The following SLC39A11 variants were observed in gnomAD, a reference collection of about 807,000 sequenced individuals.
SLC39A11 encodes solute carrier family 39 member 11, also known as zinc transporter ZIP11.
In SLC39A11, 33 loss-of-function variants were observed where a neutral mutation model predicts 36.1. The ratio of observed to expected loss-of-function variants is 0.91; its 90% CI spans 0.69 to 1.22. The LOEUF is 1.22. Ranked by LOEUF, SLC39A11 falls within the 50% of genes most tolerant of loss-of-function variation. The pLI, the probability that SLC39A11 is intolerant of heterozygous loss-of-function variation, is 0.00. For missense variants in SLC39A11, 432 were observed against 430.3 expected, an observed-to-expected ratio of 1.00 and a Z score of -0.03; for synonymous variants, 166 against 170.3, an observed-to-expected ratio of 0.97 and a Z score of 0.20.
intron 6 of SLC39A11, among the ~76,000 whole-genome samples, chr17:72,756,827 A>G (rs1036876553): frequency 1.3e-5 from 2 of 152,140 alleles, no homozygotes; most frequent in East Asian, 3.8e-4. Context: ...TTGGGGAGAA[A>G]AAAAACTAAA....
chr17:73,025,126 G>A (rs1568144176), intron 4 of SLC39A11, among the ~76,000 whole-genome samples: 1 of 152,070 alleles, frequency 6.6e-6, no homozygotes, highest in Non-Finnish European at 1.5e-5. Flanking sequence ...CATGGTTGAG[G>A]ACTCAGATAA....
At chr17:72,981,544 T>C (rs1465066540) in intron 4 of SLC39A11, among the ~76,000 whole-genome samples, 1 of 148,684 alleles carries the variant, frequency 6.7e-6, no homozygotes, top group African/African-American at 2.5e-5. Flanking sequence ...TTAATCCCTA[T>C]CTCACTTTGT....
At chr17:72,659,145 T>C (rs1485029470) in intron 7 of SLC39A11, among the ~76,000 whole-genome samples, 1 of 152,202 alleles carries the variant, frequency 6.6e-6, no homozygotes, top group East Asian at 1.9e-4. Context: ...CAAGAGCTCA[T>C]GCCACATATG....
At chr17:72,653,343 A>AGAT (rs2069946548) in intron 7 of SLC39A11, among the ~76,000 whole-genome samples, 1 of 151,922 alleles carries the variant, frequency 6.6e-6, no homozygotes, top group African/African-American at 2.4e-5. Context: ...TCCTGACCTC[A>AGAT]GATGATCCAC....
At chr17:72,866,241 G>C (rs914853804) in intron 5 of SLC39A11, among the ~76,000 whole-genome samples, 1 of 152,126 alleles carries the variant, frequency 6.6e-6, no homozygotes, top group Non-Finnish European at 1.5e-5. Flanking sequence ...CATATGTGAG[G>C]GATCTAGGTT....
chr17:72,975,522 C>T (rs1053554736), intron 4 of SLC39A11, among the ~76,000 whole-genome samples: 4 of 152,194 alleles, frequency 2.6e-5, no homozygotes, highest in African/African-American at 7.2e-5. Flanking sequence ...TGTAAGGACA[C>T]AGTGAGAAGG....
At chr17:72,761,332 C>A (rs2075571080) in intron 6 of SLC39A11, among the ~76,000 whole-genome samples, 1 of 152,138 alleles carries the variant, frequency 6.6e-6, no homozygotes. Flanking sequence ...CAAAGCTGGT[C>A]TCGAACTCCT....
intron 3 of SLC39A11, among the ~76,000 whole-genome samples, chr17:73,047,055 C>T (rs1028586330): frequency 2.8e-5 from 4 of 142,906 alleles, no homozygotes; most frequent in Non-Finnish European, 6.0e-5. Flanking sequence ...GACGGAGTCT[C>T]GCTCTGTTGC....
At chr17:72,700,174 G>A (rs1005203130) in intron 7 of SLC39A11, among the ~76,000 whole-genome samples, 1 of 152,200 alleles carries the variant, frequency 6.6e-6, no homozygotes, top group Non-Finnish European at 1.5e-5. Flanking sequence ...GTTTGGGTCA[G>A]CATCTTTGTT....
At chr17:73,043,857 G>T (rs951937094) in intron 3 of SLC39A11, among the ~76,000 whole-genome samples, 2 of 152,192 alleles carry the variant, frequency 1.3e-5, no homozygotes, top group African/African-American at 4.8e-5. Flanking sequence ...AATTTGGCAT[G>T]TCAGTTATTA....
chr17:72,678,175 G>A (rs925651101), intron 7 of SLC39A11, among the ~76,000 whole-genome samples: 6 of 152,310 alleles, frequency 3.9e-5, no homozygotes, highest in Admixed American at 6.5e-5. Context: ...TTGGATGCCC[G>A]TTCCGCTCAC....
At chr17:72,917,351 T>G (rs1208647101) in intron 5 of SLC39A11, among the ~76,000 whole-genome samples, 1 of 152,226 alleles carries the variant, frequency 6.6e-6, no homozygotes, top group Non-Finnish European at 1.5e-5. Context: ...GCTGGATCCC[T>G]GCTCTCTGGG....
chr17:72,816,553 C>T (rs1242204018), intron 6 of SLC39A11, among the ~76,000 whole-genome samples: 3 of 152,200 alleles, frequency 2.0e-5, no homozygotes, highest in Non-Finnish European at 4.4e-5. Context: ...TCATAGAACA[C>T]GTCCCAGGCT....
At chr17:72,861,740 TTATATATATATATATATATATA>T (rs71945815) in intron 5 of SLC39A11, among the ~76,000 whole-genome samples, 8,287 of 67,348 alleles carry the variant, frequency 0.12, 546 homozygotes, top group Middle Eastern at 0.17. Context: ...ACATTGGAGA[TTATATATATATATATATATATA>T]TATATATATA....
At chr17:72,730,035 A>G (rs1370614846) in intron 7 of SLC39A11, among the ~76,000 whole-genome samples, 1 of 152,218 alleles carries the variant, frequency 6.6e-6, no homozygotes, top group Non-Finnish European at 1.5e-5. Flanking sequence ...TCTGTGGCAG[A>G]GCACTCTAAT....
chr17:72,928,043 A>AG (rs1457592683), intron 5 of SLC39A11, among the ~76,000 whole-genome samples: 3 of 151,490 alleles, frequency 2.0e-5, no homozygotes, highest in East Asian at 3.9e-4. Context: ...TGATTGCTCC[A>AG]AAAAAAAAGA....
At chr17:72,912,850 T>C (rs1009903278) in intron 5 of SLC39A11, among the ~76,000 whole-genome samples, 4 of 152,162 alleles carry the variant, frequency 2.6e-5, no homozygotes, top group African/African-American at 7.2e-5. Flanking sequence ...GACCCTGAGC[T>C]GCGCCCCCTT....
chr17:72,831,791 C>G (rs868533868), intron 6 of SLC39A11, among the ~76,000 whole-genome samples: 1 of 152,130 alleles, frequency 6.6e-6, no homozygotes, highest in Non-Finnish European at 1.5e-5. Flanking sequence ...AAGAAGCATC[C>G]GAATTCATTT....
chr17:72,959,158 A>G (rs570896272), intron 4 of SLC39A11, among the ~76,000 whole-genome samples: 9 of 151,690 alleles, frequency 5.9e-5, no homozygotes, highest in Non-Finnish European at 1.2e-4. Context: ...CAGCAATCCT[A>G]CTACTGGGTA....
Sources: allele counts gnomAD v4.1 joint callset (sites outside exome capture counted in the v4.1 genomes callset), GRCh38; gene constraint gnomAD v4.1.1; transcripts MANE v1.5; gene names NCBI Gene and HGNC (gene_info 2026-07-23, HGNC 2026-07-21).